The following ATRNL1 variants were observed in gnomAD, a reference collection of about 807,000 sequenced individuals.
ATRNL1 encodes attractin like 1, also known as attractin-like protein 1.
A neutral mutation model predicts 182.7 loss-of-function variants in ATRNL1; 95 were observed. That is an observed-to-expected ratio of 0.52 (90% CI 0.44 to 0.62). The LOEUF is 0.62. ATRNL1 is among the 20% of genes least tolerant of loss of function. The probability of loss-of-function intolerance (pLI) is 0.00; values close to 1 mark genes in which losing one functional copy is unlikely to be tolerated. For synonymous variants in ATRNL1, 576 were observed against 568.3 expected (o/e 1.01, Z -0.19); for missense variants, 1,471 against 1,679.5 (o/e 0.88, Z 2.17).
In ATRNL1 at chr10:115,917,486, G is replaced by GAA. The variant is rs11402332; in HGVS notation, c.4019-27163_4019-27162dup. Among the ~76,000 whole-genome samples, 831 of 131,228 alleles carry GAA rather than the reference G, an allele frequency of 6.3e-3. 10 individuals carry two copies. The highest frequency in any genetic ancestry group is 0.019 in the African/African-American group (690 of 35,744). The allele number at this position is 131,228 out of a possible 152,430, so 86.1% of individuals were successfully genotyped here. The stretch of plus-strand genomic sequence containing the variant: ...CTCTGTCTCAAAAAAAAAAAAAAAA[G>GAA]AAAAAAAAAACGGGGCCATGATATT... On this transcript the variant is annotated intron_variant, in intron 28 of 28. Transcript: ENST00000355044.
intron 26 of ATRNL1, among the ~76,000 whole-genome samples, chr10:115,645,362 GTTCT>G (rs557033463): frequency 3.6e-4 from 54 of 149,062 alleles, no homozygotes; most frequent in African/African-American, 1.2e-3. Context: ...AGTGAAAATT[GTTCT>G]TTCTTCCTTG....
At chr10:115,606,964 A>G (rs1856906853) in intron 26 of ATRNL1, among the ~76,000 whole-genome samples, 1 of 151,990 alleles carries the variant, frequency 6.6e-6, no homozygotes, top group Non-Finnish European at 1.5e-5. Flanking sequence ...CAGTTCAGTG[A>G]TGCGTGATAA....
At chr10:115,288,351 G>A (rs964852304) in intron 15 of ATRNL1, among the ~76,000 whole-genome samples, 10 of 151,994 alleles carry the variant, frequency 6.6e-5, no homozygotes, top group East Asian at 3.9e-4. Flanking sequence ...CACCAACAAC[G>A]TATAAGAATT....
At chr10:115,363,879 T>C (rs1320610024) in intron 19 of ATRNL1, among the ~76,000 whole-genome samples, 1 of 149,626 alleles carries the variant, frequency 6.7e-6, no homozygotes, top group Non-Finnish European at 1.5e-5. Context: ...TTGATCTATA[T>C]CTCTGTTTTG....
At chr10:115,683,796 G>A (rs1946131576) in intron 26 of ATRNL1, among the ~76,000 whole-genome samples, 1 of 151,680 alleles carries the variant, frequency 6.6e-6, no homozygotes, top group Non-Finnish European at 1.5e-5. Context: ...ATTTGTATAA[G>A]CAAATTGAAA....
intron 5 of ATRNL1, among the ~76,000 whole-genome samples, chr10:115,141,299 T>C (rs1554877965): frequency 6.6e-6 from 1 of 152,134 alleles, no homozygotes; most frequent in Non-Finnish European, 1.5e-5. Context: ...ATAAACTATG[T>C]TATTTACTTC....
At chr10:115,465,569 C>T (rs1478112405) in intron 22 of ATRNL1, among the ~76,000 whole-genome samples, 2 of 150,772 alleles carry the variant, frequency 1.3e-5, no homozygotes, top group Non-Finnish European at 3.0e-5. Flanking sequence ...GGGTTCTTAA[C>T]AGCTTGTCAA....
At chr10:115,719,594 A>G (rs1255645120) in intron 26 of ATRNL1, among the ~76,000 whole-genome samples, 18 of 152,176 alleles carry the variant, frequency 1.2e-4, no homozygotes, top group Admixed American at 1.0e-3. Flanking sequence ...ATTTACTTCA[A>G]AATACTCAGT....
chr10:115,705,108 G>A (rs1052675095), intron 26 of ATRNL1, among the ~76,000 whole-genome samples: 6 of 151,786 alleles, frequency 4.0e-5, no homozygotes, highest in African/African-American at 7.3e-5. Flanking sequence ...GATGATCCCC[G>A]AAATCTGATC....
intron 9 of ATRNL1, among the ~76,000 whole-genome samples, chr10:115,236,363 C>T (rs544574973): frequency 1.2e-4 from 18 of 152,142 alleles, no homozygotes; most frequent in Non-Finnish European, 5.9e-5. Context: ...TGATGCCATA[C>T]AGCATTACAG....
chr10:115,352,393 A>C (rs1420347639), intron 19 of ATRNL1, among the ~76,000 whole-genome samples: 1 of 151,932 alleles, frequency 6.6e-6, no homozygotes, highest in African/African-American at 2.4e-5. Flanking sequence ...ATGCACTATT[A>C]AGTGTTCTTA....
At chr10:115,497,027 T>G (rs907192217) in intron 24 of ATRNL1, among the ~76,000 whole-genome samples, 2 of 152,168 alleles carry the variant, frequency 1.3e-5, no homozygotes, top group African/African-American at 2.4e-5. Context: ...CTTTACATAA[T>G]CCCATATTTC....
rs1035574231 is a variant in ATRNL1, at chr10:115,827,994, C to T, written c.3904-19883C>T. On this transcript the variant is annotated intron_variant, in intron 27 of 28. Coordinates refer to ENST00000355044, the MANE Select transcript of ATRNL1 (RefSeq NM_207303.4). ...AGATCCATTAACAAAGGCCCCAACT[C>T]ACATGGAATGGAATGAATGCTTCAA... 2.6e-5 allele frequency among the ~76,000 whole-genome samples: 4 copies of T among 152,036 alleles called. No homozygotes were observed. The East Asian group carries it at 7.7e-4, about 29-fold the overall frequency.
chr10:115,175,998 C>T (rs1190017998), intron 8 of ATRNL1, among the ~76,000 whole-genome samples: 6 of 152,196 alleles, frequency 3.9e-5, no homozygotes, highest in East Asian at 3.9e-4. Flanking sequence ...TAATGATCGC[C>T]ATTCTAACTG....
intron 27 of ATRNL1, among the ~76,000 whole-genome samples, chr10:115,847,058 A>G (rs1555098987): frequency 1.3e-5 from 2 of 152,092 alleles, no homozygotes; most frequent in African/African-American, 4.8e-5. Flanking sequence ...TTCTAAAGTT[A>G]TCTATACAAG....
intron 26 of ATRNL1, among the ~76,000 whole-genome samples, chr10:115,665,818 A>T (rs782640476): frequency 3.9e-5 from 6 of 152,124 alleles, no homozygotes; most frequent in Non-Finnish European, 5.9e-5. Flanking sequence ...TCACCCTATG[A>T]CTAGGACTCG....
chr10:115,848,865 C>T (rs918766616), intron 28 of ATRNL1, among the ~76,000 whole-genome samples: 1 of 152,142 alleles, frequency 6.6e-6, no homozygotes, highest in Non-Finnish European at 1.5e-5. Flanking sequence ...CTTCAATTCC[C>T]CTTAAGCATA....
intron 27 of ATRNL1, among the ~76,000 whole-genome samples, chr10:115,812,666 C>T (rs199795335): frequency 2.6e-5 from 4 of 151,946 alleles, no homozygotes; most frequent in East Asian, 1.9e-4. Context: ...TTAGTAGAAA[C>T]GGGGTTTCAC....
At chr10:115,206,022 A>G (rs1564819899) in intron 8 of ATRNL1, among the ~76,000 whole-genome samples, 2 of 152,036 alleles carry the variant, frequency 1.3e-5, no homozygotes, top group African/African-American at 4.8e-5. Flanking sequence ...TGTATAGATT[A>G]TCTTAGTTTT....
Sources: allele counts gnomAD v4.1 joint callset (sites outside exome capture counted in the v4.1 genomes callset), GRCh38; gene constraint gnomAD v4.1.1; transcripts MANE v1.5; gene names NCBI Gene and HGNC (gene_info 2026-07-23, HGNC 2026-07-21).